Variants in CLUL1 observed in about 807,000 individuals in gnomAD.
The protein encoded by CLUL1 is clusterin like 1.
In CLUL1, 43 loss-of-function variants were observed where a neutral mutation model predicts 49.4. That is an observed-to-expected ratio of 0.87 (90% CI 0.68 to 1.12). The LOEUF (loss-of-function observed/expected upper bound fraction) is 1.12, where lower values mean the gene tolerates loss of function less well. CLUL1 is among the 50% of genes most tolerant of loss of function. CLUL1 has a pLI of 0.00. For synonymous variants in CLUL1, 192 were observed against 184.9 expected (o/e 1.04, Z -0.31); for missense variants, 486 against 544.4 (o/e 0.89, Z 1.07).
chr18:645,276 G>T, intron 9 of CLUL1, 179 bp downstream of exon 9: 1 of 470,248 alleles, frequency 2.1e-6, no homozygotes. Flanking sequence ...AAAAAACCCA[G>T]GAAATCCTGA....
At chr18:635,070 T>C (rs1598437482) in intron 7 of CLUL1, among the ~76,000 whole-genome samples, 1 of 152,120 alleles carries the variant, frequency 6.6e-6, no homozygotes, top group African/African-American at 2.4e-5. Context: ...TAGCTAGAGA[T>C]TTGGGGCAAG....
At chr18:643,484 T>C (rs950464755) in intron 8 of CLUL1, among the ~76,000 whole-genome samples, 11 of 152,186 alleles carry the variant, frequency 7.2e-5, no homozygotes, top group Admixed American at 5.2e-4. Context: ...GAATAAAACT[T>C]GAAGAAAAAT....
intron 6 of CLUL1, among the ~76,000 whole-genome samples, chr18:630,672 CTTTTTTTTTTTTTTT>C (rs36222515): frequency 9.7e-5 from 6 of 62,044 alleles, no homozygotes; most frequent in Admixed American, 2.5e-4. Flanking sequence ...CTACTGACAT[CTTTTTTTTTTTTTTT>C]TTTTTTTTTT....
intron 8 of CLUL1, among the ~76,000 whole-genome samples, chr18:643,265 CGT>C (rs1255096855): frequency 6.6e-6 from 1 of 151,988 alleles, no homozygotes; most frequent in East Asian, 1.9e-4. Flanking sequence ...TGTAGACATA[CGT>C]GTGTGTTTTG....
In CLUL1 at chr18:621,383, G is replaced by A. The variant is rs552227700; in HGVS notation, c.255+2022G>A. ...CCCAAAGCTGTGTGTCAGCGTCACC[G>A]GACTGGTTGATGTTGCAGCCTCACC... On this transcript the variant is annotated intron_variant, in intron 4 of 9. Coordinates refer to ENST00000692774, the MANE Select transcript of CLUL1 (RefSeq NM_001393344.1). 5.9e-5 allele frequency among the ~76,000 whole-genome samples: 9 copies of A among 152,300 alleles called. No individual in the cohort carries two copies. In the East Asian group the frequency reaches 7.7e-4, roughly 13 times the overall value.
chr18:628,568 G>A (rs1238749554), intron 6 of CLUL1, among the ~76,000 whole-genome samples: 1 of 151,990 alleles, frequency 6.6e-6, no homozygotes, highest in Non-Finnish European at 1.5e-5. Context: ...CCTAAGCCAG[G>A]TTGAAGGCTG....
chr18:597,050 C>A lies in CLUL1; in HGVS notation c.-215C>A, dbSNP rs1045209890. On this transcript the variant is annotated 5_prime_UTR_variant, in exon 1 of 10. Transcript: ENST00000692774. ...TTTCCACCCTGGAGGTTGCTGACAC[C>A]CTGTGCCCTCGGCTGACTTCCAGCC... 6.5e-6 allele frequency: 1 copy of A among 152,772 alleles called. No individual in the cohort carries two copies. The highest frequency in any genetic ancestry group is 6.5e-5 in the Admixed American group (1 of 15,294). 9.5% of individuals were successfully genotyped at this position (152,772 alleles called of 1,614,324 possible). A position where few individuals can be genotyped will look rare whatever the true frequency, so the allele number is the denominator to read the frequency against.
chr18:604,945 G>C (rs1046045049), intron 1 of CLUL1, among the ~76,000 whole-genome samples: 3 of 152,162 alleles, frequency 2.0e-5, no homozygotes, highest in African/African-American at 7.2e-5. Flanking sequence ...TGGGACCTTC[G>C]TCCACTAGGG....
chr18:613,179 C>A (rs2073190614), intron 2 of CLUL1: 3 of 459,748 alleles, frequency 6.5e-6, no homozygotes, highest in South Asian at 4.6e-5. Flanking sequence ...GCTCTCGTTG[C>A]CCAGACTGGA....
chr18:615,870 C>T (rs1460498601), intron 2 of CLUL1, among the ~76,000 whole-genome samples: 1 of 152,122 alleles, frequency 6.6e-6, no homozygotes, highest in Non-Finnish European at 1.5e-5. Context: ...ACTCTCTGTG[C>T]CCAGGCAGAG....
At chr18:633,234 G>C (rs1318183331) in intron 6 of CLUL1, 64 bp from the exon 7 acceptor site, 1 of 1,409,868 alleles carries the variant, frequency 7.1e-7, no homozygotes, top group Non-Finnish European at 9.7e-7. Flanking sequence ...CTGCGGCATT[G>C]TCTCCACTTC....
intron 8 of CLUL1, among the ~76,000 whole-genome samples, chr18:643,452 G>A (rs1322930923): frequency 2.6e-5 from 4 of 152,114 alleles, no homozygotes; most frequent in Non-Finnish European, 2.9e-5. Context: ...TTAGTTTAAC[G>A]AGGAAAAAGT....
intron 9 of CLUL1, 116 bp from the exon 10 acceptor site, chr18:649,782 C>T: frequency 2.8e-6 from 2 of 703,596 alleles, no homozygotes; most frequent in East Asian, 2.6e-5. Context: ...TTTCCAAAAG[C>T]CAACAGCAGG....
intron 1 of CLUL1, among the ~76,000 whole-genome samples, chr18:599,436 G>C (rs1365650923): frequency 6.6e-6 from 1 of 152,210 alleles, no homozygotes; most frequent in South Asian, 2.1e-4. Context: ...GCCTGGGACA[G>C]TAGAAGATGC....
chr18:619,282 T>C lies in CLUL1; in HGVS notation c.176T>C (p.Met59Thr). 5 of 1,613,856 alleles carry C rather than the reference T, an allele frequency of 3.1e-6. No individual in the cohort carries two copies. Among genetic ancestry groups the C allele is most frequent in the Non-Finnish European group, 4.2e-6 (5 of 1,179,900 alleles). The change falls in exon 4 of 10, where the codon ATG (methionine) becomes ACG (threonine). Residue 59 changes from methionine (M) to threonine (T), a missense_variant. By Grantham distance (81) the Met-to-Thr change is moderately conservative (BLOSUM62 -1). Transcript: ENST00000692774. ...VKKALTGIKQ[M>T]KIMMERKEKE... ...AAGGCTTTGACTGGTATTAAGCAAA[T>C]GAAAATCATGATGGAAAGAAAAGAG...
At chr18:614,746 A>G (rs2073242558) in intron 2 of CLUL1, 1 of 152,110 alleles carries the variant, frequency 6.6e-6, no homozygotes, top group Non-Finnish European at 1.5e-5. Flanking sequence ...GGACACATGC[A>G]CTCTTAGGTT....
rs1380193109 is a variant in CLUL1, at chr18:618,064, C to A, written c.64C>A (p.Pro22Thr). ...LLWLKDSHCA[P>T]TWKDKTAISE... ...GTGGTTGAAAGACAGTCACTGCGCA[C>A]CCACTTGGAAGGACAAAACTGCTAT... Residue 22 changes from proline to threonine, a missense_variant, in exon 3 of 10, where the codon CCC becomes ACC. Pro to Thr is a conservative substitution (Grantham distance 38). Coordinates refer to ENST00000692774, the MANE Select transcript of CLUL1 (RefSeq NM_001393344.1). This position sits in a 1 kb window ranked among gnomAD's most constrained non-coding sequence, Gnocchi z 4.2. The A allele has an allele frequency of 6.2e-7, 1 of 1,613,984 alleles. No homozygotes were observed. The highest frequency in any genetic ancestry group is 1.3e-5 in the African/African-American group (1 of 74,916).
rs1329984109 is a variant in CLUL1, at chr18:606,076, TAAG to T, written c.-135-899_-135-897del. On this transcript the variant is annotated intron_variant, in intron 1 of 9. Coordinates refer to ENST00000692774, the MANE Select transcript of CLUL1 (RefSeq NM_001393344.1). The surrounding 1 kb of genome is among the most constrained non-coding windows in gnomAD (Gnocchi z 4.1). ...TCCAAGATCACTCTGGAAGAATATT[TAAG>T]AATATACCAAATAAGAATATGCAAG... Among the ~76,000 whole-genome samples, 1 of 152,130 alleles carries T rather than the reference TAAG, an allele frequency of 6.6e-6. No homozygotes were observed. Among genetic ancestry groups the T allele is most frequent in the Non-Finnish European group, 1.5e-5 (1 of 68,024 alleles).
chr18:609,111 A>G (rs1275888559), intron 2 of CLUL1, among the ~76,000 whole-genome samples: 2 of 152,196 alleles, frequency 1.3e-5, no homozygotes, highest in Non-Finnish European at 2.9e-5. Context: ...CACAAAATTC[A>G]TTTATGTTTC....
Sources: gnomAD v4.1 joint callset for allele counts (sites outside exome capture counted in the v4.1 genomes callset) on GRCh38, gnomAD v4.1.1 for gene constraint, Gnocchi (gnomAD v3.1) non-coding constraint, MANE v1.5 for transcripts, NCBI Gene and HGNC (gene_info 2026-07-23, HGNC 2026-07-21) for gene names.